Variants in DLEC1 observed in about 807,000 individuals in gnomAD.
DLEC1 encodes the protein deleted in lung and esophageal cancer protein 1.
A neutral mutation model predicts 198.1 loss-of-function variants in DLEC1; 146 were observed. That is an observed-to-expected ratio of 0.74 (90% CI 0.64 to 0.85). The LOEUF is 0.85. Ranked by LOEUF, DLEC1 falls within the 40% of genes least tolerant of loss-of-function variation. The pLI, the probability that DLEC1 is intolerant of heterozygous loss-of-function variation, is 0.00. For missense variants in DLEC1, 2,233 were observed against 2,220.0 expected, an observed-to-expected ratio of 1.01 and a Z score of -0.12; for synonymous variants, 897 against 866.8, an observed-to-expected ratio of 1.03 and a Z score of -0.61.
intron 2 of DLEC1, among the ~76,000 whole-genome samples, chr3:38,055,985 G>A (rs1210181148): frequency 2.0e-5 from 3 of 152,040 alleles, no homozygotes; most frequent in East Asian, 1.9e-4. Context: ...TCGGGAGACC[G>A]AGTTGGGTGG....
Position 38,084,250 on chromosome 3 carries a change from G to A in DLEC1, c.1261+5G>A, listed in dbSNP as rs747159011. On this transcript the variant is annotated splice_donor_5th_base_variant and intron_variant, in intron 7 of 36. Coordinates refer to ENST00000308059, the MANE Select transcript of DLEC1 (RefSeq NM_007335.4). ...CATACTTCGCTCTGGGACTGGGTAAGTTCAGTATTTGTAAGTTCATTAGTA... is the reference window on the plus strand; with the variant it reads ...CATACTTCGCTCTGGGACTGGGTAAATTCAGTATTTGTAAGTTCATTAGTA... 2.0e-5 allele frequency: 33 copies of A among 1,610,822 alleles called. No individual in the cohort carries two copies. The East Asian group carries it at 4.9e-4, about 24-fold the overall frequency.
intron 6 of DLEC1, among the ~76,000 whole-genome samples, chr3:38,082,979 C>A (rs1397681496): frequency 6.6e-6 from 1 of 151,998 alleles, no homozygotes; most frequent in African/African-American, 2.4e-5. Context: ...TCTCCTTTGT[C>A]TCTACCAGAA....
chr3:38,058,311 G>T (rs1696488226), intron 2 of DLEC1, among the ~76,000 whole-genome samples: 1 of 152,168 alleles, frequency 6.6e-6, no homozygotes, highest in African/African-American at 2.4e-5. Flanking sequence ...TCTCTGCCCA[G>T]TCCTGATCCC....
At chr3:38,070,499 T>C (rs1385398352) in intron 6 of DLEC1, among the ~76,000 whole-genome samples, 2 of 152,202 alleles carry the variant, frequency 1.3e-5, no homozygotes, top group African/African-American at 4.8e-5. Flanking sequence ...GTCAGTTTCA[T>C]GCACGTCCGT....
intron 6 of DLEC1, among the ~76,000 whole-genome samples, chr3:38,078,507 T>C (rs1030104461): frequency 4.6e-5 from 7 of 152,042 alleles, no homozygotes; most frequent in African/African-American, 1.7e-4. Flanking sequence ...TTGTAACAGA[T>C]TGAGGTTTGG....
chr3:38,109,847 T>A (rs1372973214), intron 22 of DLEC1: 2 of 684,264 alleles, frequency 2.9e-6, no homozygotes, highest in East Asian at 2.7e-5. Context: ...CTTGCCCACA[T>A]GAGGCCCAGC....
intron 1 of DLEC1, among the ~76,000 whole-genome samples, chr3:38,044,972 G>A (rs11713291): frequency 0.088 from 13,412 of 152,298 alleles, 714 homozygotes; most frequent in South Asian, 0.18. Flanking sequence ...AAGCTGAACT[G>A]TGATGGGGGC....
intron 22 of DLEC1, 149 bp downstream of exon 22, chr3:38,109,711 C>A: frequency 7.5e-7 from 1 of 1,332,644 alleles, no homozygotes; most frequent in Non-Finnish European, 1.0e-6. Context: ...GGCCACTCAC[C>A]ACTCCTGTGG....
At chr3:38,107,528 G>A in intron 19 of DLEC1, 56 bp from the exon 20 acceptor site, 1 of 1,463,780 alleles carries the variant, frequency 6.8e-7, no homozygotes, top group Admixed American at 2.5e-5. Flanking sequence ...TAGAAATAGG[G>A]ACAGCTTTAC....
intron 6 of DLEC1, among the ~76,000 whole-genome samples, chr3:38,070,090 G>C (rs1348104766): frequency 6.6e-6 from 1 of 152,154 alleles, no homozygotes; most frequent in Non-Finnish European, 1.5e-5. Context: ...CTGTATTGAT[G>C]TGCTACACAC....
chr3:38,045,401 A>C (rs1700836541), intron 1 of DLEC1, 142 bp from the exon 2 acceptor site: 2 of 1,120,126 alleles, frequency 1.8e-6, no homozygotes, highest in Non-Finnish European at 2.4e-6. Flanking sequence ...CAGATCTAGT[A>C]GTTCAGACCA....
rs1325664416 is a variant in DLEC1 at position 38,114,403 on chromosome 3, GCT to G, written c.3730_3731del (p.Ser1244ProfsTer9). 6.2e-7 allele frequency: 1 copy of G among 1,614,018 alleles called. No individual in the cohort carries two copies. The highest frequency in any genetic ancestry group is 2.2e-5 in the East Asian group (1 of 44,878). On this transcript the variant is annotated frameshift_variant, in exon 26 of 37. Coordinates refer to ENST00000308059, the MANE Select transcript of DLEC1 (RefSeq NM_007335.4). LOFTEE classifies it high-confidence loss of function. Reference sequence around the variant, plus strand: ...ATGGCAGCGGTGGGCTGCCCCATCAGCTCCCTGAGGACCACCTCCTACACTAT... The same window carrying G: ...ATGGCAGCGGTGGGCTGCCCCATCAGCCCTGAGGACCACCTCCTACACTAT...
At chr3:38,116,713 G>A (rs560206086) in intron 28 of DLEC1, 55 bp downstream of exon 28, 1 of 1,609,658 alleles carries the variant, frequency 6.2e-7, no homozygotes, top group African/African-American at 1.3e-5. Flanking sequence ...ACTGAGGTGT[G>A]GCCAGTAGGC....
At chr3:38,086,213 T>C (rs776510661) in intron 8 of DLEC1, 28 bp from the exon 9 acceptor site, 3 of 1,592,150 alleles carry the variant, frequency 1.9e-6, no homozygotes, top group Admixed American at 3.5e-5. Context: ...CTGTTGTTTC[T>C]CTTGCACATG....
At position 38,107,265 on chromosome 3, in the gene DLEC1, G is replaced by A. The variant is rs1699613851; in HGVS notation, c.2865-319G>A. On this transcript the variant is annotated intron_variant, in intron 19 of 36. Transcript: ENST00000308059. The stretch of plus-strand genomic sequence containing the variant: ...TACGCCCAGAGGAAAAGTGAAATAA[G>A]CCACTTTGAAATAAGCCCAGAGTGT... Among the ~76,000 whole-genome samples, 3 of 152,110 alleles carry A rather than the reference G, an allele frequency of 2.0e-5. 1 individual carries two copies. Among genetic ancestry groups the A allele is most frequent in the South Asian group, 4.1e-4 (2 of 4,824 alleles).
Position 38,114,993 on chromosome 3 carries a change from C to T in DLEC1, c.3796C>T (p.Gln1266Ter), listed in dbSNP as rs1700075738. ...QKEPAMRFGTQVSGGDTVTRT... is the reference protein window; with the variant it reads ...QKEPAMRFGT ...TCTGTCCCCCTCCAGGTTCGGCACC[C>T]AGGTCTCCGGAGGAGACACAGTTAC... Residue 1266 changes from glutamine (Q) to a stop codon, truncating the protein, a stop_gained, in exon 27 of 37, where the codon CAG becomes TAG. Transcript: ENST00000308059. LOFTEE classifies it high-confidence loss of function. 6.2e-7 allele frequency: 1 copy of T among 1,613,610 alleles called. No individual in the cohort carries two copies. Among genetic ancestry groups the T allele is most frequent in the Non-Finnish European group, 8.5e-7 (1 of 1,179,796 alleles).
At chr3:38,084,560 A>AGTAATAGTAGTGGTG (rs1698319375) in intron 7 of DLEC1, among the ~76,000 whole-genome samples, 77 of 1,106 alleles carry the variant, frequency 0.07, 19 homozygotes, top group Non-Finnish European at 0.13. Context: ...TGGTAGTAGT[A>AGTAATAGTAGTGGTG]GTGGTAGTAG....
At chr3:38,107,805 G>C in intron 20 of DLEC1, 68 bp downstream of exon 20, 1 of 1,525,604 alleles carries the variant, frequency 6.6e-7, no homozygotes, top group Non-Finnish European at 8.9e-7. Flanking sequence ...ATAGAGGGGG[G>C]CATTGTCCCC....
chr3:38,103,029 T>A (rs1287550905), intron 19 of DLEC1: 1 of 152,212 alleles, frequency 6.6e-6, no homozygotes, highest in Non-Finnish European at 1.5e-5. Context: ...CATGTGCAAT[T>A]GTGTTATGTG....
Sources: gnomAD v4.1 joint callset for allele counts (sites outside exome capture counted in the v4.1 genomes callset) on GRCh38, gnomAD v4.1.1 for gene constraint, MANE v1.5 for transcripts, NCBI Gene and HGNC (gene_info 2026-07-23, HGNC 2026-07-21) for gene names.